Variants in ZNF85 observed in about 807,000 individuals in gnomAD.
ZNF85 encodes zinc finger protein 85.
A neutral mutation model predicts 53.9 loss-of-function variants in ZNF85; 50 were observed. That is an observed-to-expected ratio of 0.93 (90% confidence interval 0.74 to 1.17). The LOEUF (loss-of-function observed/expected upper bound fraction) is 1.17, where lower values mean the gene tolerates loss of function less well. ZNF85 is among the 50% of genes most tolerant of loss of function. ZNF85 has a pLI of 0.00. For missense variants in ZNF85, 747 were observed against 688.5 expected, an observed-to-expected ratio of 1.08 and a Z score of -0.95; for synonymous variants, 225 against 226.1, an observed-to-expected ratio of 1.00 and a Z score of 0.04.
intron 3 of ZNF85, chr19:20,937,031 G>A (rs1973174348): frequency 5.3e-6 from 1 of 188,390 alleles, no homozygotes; most frequent in African/African-American, 2.4e-5. Flanking sequence ...TTTGTTTTTT[G>A]GGTTTTTGTT....
intron 3 of ZNF85, among the ~76,000 whole-genome samples, chr19:20,942,236 G>A (rs532831022): frequency 1.3e-4 from 19 of 150,188 alleles, no homozygotes; most frequent in African/African-American, 3.5e-4. Flanking sequence ...GCATAATCTC[G>A]GCTCACTGCA....
Position 20,949,167 on chromosome 19 carries a change from C to A in ZNF85, c.653C>A (p.Thr218Asn). Residue 218 changes from threonine (T) to asparagine (N), a missense_variant, in exon 4 of 4, where the codon ACT becomes AAT. Physicochemically the swap from Thr to Asn is moderately conservative, Grantham distance 65. Transcript: ENST00000328178. Reference protein sequence around the residue: ...GKAFNWSSTLTKHKRIHTGEK... With the variant: ...GKAFNWSSTLNKHKRIHTGEK... Reference sequence around the variant, plus strand: ...GCCTTTAACTGGTCCTCAACCCTTACTAAACATAAGAGAATTCATACGGGA... The same window carrying A: ...GCCTTTAACTGGTCCTCAACCCTTAATAAACATAAGAGAATTCATACGGGA... The A allele has an allele frequency of 6.2e-7, 1 of 1,613,482 alleles. No individual in the cohort carries two copies. The highest frequency in any genetic ancestry group is 2.2e-5 in the East Asian group (1 of 44,848).
intron 1 of ZNF85, 67 bp from the exon 2 acceptor site, chr19:20,933,957 A>ATG (rs56195718): frequency 0.017 from 19,180 of 1,155,108 alleles, 91 homozygotes; most frequent in Admixed American, 0.041. Context: ...GTTGGTAATT[A>ATG]TGTGTGTGTG....
Position 20,947,807 on chromosome 19 carries a change from A to G in ZNF85, c.230-937A>G, listed in dbSNP as rs117020591. ...ACCTCCACAATTTCTGTTTTTTGAT[A>G]TTTTTAATATTTTTGTTGTTATCCT... On this transcript the variant is annotated intron_variant, in intron 3 of 3. Transcript: ENST00000328178. Among the ~76,000 whole-genome samples the G allele has an allele frequency of 5.2e-3, 795 of 151,534 alleles. 8 individuals carry two copies. Among genetic ancestry groups the G allele is most frequent in the Non-Finnish European group, 7.3e-3 (497 of 67,678 alleles).
At chr19:20,947,626 A>G (rs1275064769) in intron 3 of ZNF85, among the ~76,000 whole-genome samples, 1 of 149,332 alleles carries the variant, frequency 6.7e-6, no homozygotes, top group African/African-American at 2.5e-5. Flanking sequence ...ATGACACATC[A>G]CTTTTATCTT....
chr19:20,931,620 C>CTTTTTTT (rs1156835317), intron 1 of ZNF85, among the ~76,000 whole-genome samples: 297 of 119,356 alleles, frequency 2.5e-3, no homozygotes, highest in African/African-American at 6.7e-3. Flanking sequence ...TTTTCTTTTT[C>CTTTTTTT]TTTTTTTTTT....
At chr19:20,946,375 A>G (rs976967560) in intron 3 of ZNF85, 2 of 414,070 alleles carry the variant, frequency 4.8e-6, no homozygotes, top group Non-Finnish European at 4.8e-6. Context: ...AGTGTTCTCT[A>G]TGCCTCTGTT....
chr19:20,950,179 A>G lies in ZNF85; in HGVS notation c.1665A>G (p.Lys555=). 1.2e-6 allele frequency: 2 copies of G among 1,613,032 alleles called. No homozygotes were observed. Among genetic ancestry groups the G allele is most frequent in the East Asian group, 4.5e-5 (2 of 44,824 alleles). ...TTAACCAGTCCTCAAACCTTACTAA[A>G]CATAAGAGAATTCATACTGGAGAAA... The part of the protein sequence containing the change: ...KAFNQSSNLT[K]HKRIHTGEKP... The change falls in exon 4 of 4, where the codon AAA becomes AAG. Residue 555 remains lysine (K), a synonymous_variant. Coordinates refer to ENST00000328178, the MANE Select transcript of ZNF85 (RefSeq NM_003429.5).
intron 3 of ZNF85, among the ~76,000 whole-genome samples, chr19:20,946,569 T>TGCAC (rs909005565): frequency 7.4e-5 from 10 of 134,318 alleles, no homozygotes; most frequent in African/African-American, 2.8e-4. Flanking sequence ...GATATACACA[T>TGCAC]GCACACACAC....
At chr19:20,944,835 A>C (rs1224394181) in intron 3 of ZNF85, among the ~76,000 whole-genome samples, 1 of 152,086 alleles carries the variant, frequency 6.6e-6, no homozygotes, top group Non-Finnish European at 1.5e-5. Context: ...TTAACTCTGC[A>C]ATTTATGACA....
At chr19:20,926,575 T>C (rs907077383) in intron 1 of ZNF85, among the ~76,000 whole-genome samples, 3 of 120,330 alleles carry the variant, frequency 2.5e-5, no homozygotes, top group African/African-American at 8.3e-5. Context: ...AAGGCTAATA[T>C]TGAGCCTACA....
chr19:20,949,542 A>C lies in ZNF85; in HGVS notation c.1028A>C (p.Lys343Thr). 7 of 1,613,030 alleles carry C rather than the reference A, an allele frequency of 4.3e-6. No homozygotes were observed. Among genetic ancestry groups the C allele is most frequent in the Non-Finnish European group, 5.9e-6 (7 of 1,179,476 alleles). ...KIIHTGEKPY[K>T]CKKCGKAFNQ... Reference sequence around the variant, plus strand: ...ATTCATACTGGAGAGAAACCCTACAAATGTAAAAAATGTGGAAAAGCCTTT... The same window carrying C: ...ATTCATACTGGAGAGAAACCCTACACATGTAAAAAATGTGGAAAAGCCTTT... Residue 343 changes from lysine (K) to threonine (T), a missense_variant, in exon 4 of 4, where the codon AAA becomes ACA. Lys to Thr is a moderately conservative substitution (Grantham distance 78). Transcript: ENST00000328178.
In ZNF85 at chr19:20,949,945, A is replaced by T. The variant is rs56207286; in HGVS notation, c.1431A>T (p.Thr477=). 195,686 of 1,610,622 alleles carry T rather than the reference A, an allele frequency of 0.12. 12,257 individuals carry two copies. The highest frequency in any genetic ancestry group is 0.13 in the Non-Finnish European group (151,650 of 1,178,776). ...TTACTAGACATAAGAAAAGTCATAC[A>T]GAAGAGAAACCTTACAAATGTGAAG... is the stretch of plus-strand genomic sequence containing the variant. ...SNLTRHKKSH[T]EEKPYKCEEC... is the part of the protein sequence containing the mutation. Residue 477 remains threonine (T), a synonymous_variant, in exon 4 of 4, where the codon ACA becomes ACT. Coordinates refer to ENST00000328178, the MANE Select transcript of ZNF85 (RefSeq NM_003429.5).
intron 3 of ZNF85, among the ~76,000 whole-genome samples, chr19:20,946,936 G>A (rs11085411): frequency 0.11 from 17,103 of 151,366 alleles, 992 homozygotes; most frequent in Non-Finnish European, 0.13. Context: ...TTAACTTTAT[G>A]TATATTTAAT....
At chr19:20,935,321 A>G (rs1973132005) in intron 3 of ZNF85, among the ~76,000 whole-genome samples, 1 of 152,216 alleles carries the variant, frequency 6.6e-6, no homozygotes, top group Non-Finnish European at 1.5e-5. Context: ...GAGACTGCGC[A>G]GTCTGGCTGC....
chr19:20,941,614 T>A (rs1973298026), intron 3 of ZNF85, among the ~76,000 whole-genome samples: 2 of 152,206 alleles, frequency 1.3e-5, no homozygotes, highest in Non-Finnish European at 2.9e-5. Context: ...TTGAGAAAAA[T>A]TTAGTTCAAT....
At chr19:20,940,505 CTAGTT>C (rs559495993) in intron 3 of ZNF85, among the ~76,000 whole-genome samples, 2 of 151,710 alleles carry the variant, frequency 1.3e-5, no homozygotes, top group South Asian at 2.1e-4. Flanking sequence ...CCACTGCACT[CTAGTT>C]TAGGTGACGA....
At chr19:20,942,543 G>T (rs1238888922) in intron 3 of ZNF85, among the ~76,000 whole-genome samples, 1 of 151,724 alleles carries the variant, frequency 6.6e-6, no homozygotes, top group East Asian at 1.9e-4. Flanking sequence ...GTAAAAATAT[G>T]TGGTATTGGG....
At chr19:20,943,544 G>GATAAATAA (rs1478698865) in intron 3 of ZNF85, 1 of 150,810 alleles carries the variant, frequency 6.6e-6, no homozygotes, top group Non-Finnish European at 1.5e-5. Flanking sequence ...GCCCAACGAT[G>GATAAATAA]AACCAAACAA....
Sources: allele counts gnomAD v4.1 joint callset (sites outside exome capture counted in the v4.1 genomes callset), GRCh38; gene constraint gnomAD v4.1.1; transcripts MANE v1.5; gene names NCBI Gene and HGNC (gene_info 2026-07-23, HGNC 2026-07-21).